Variants in PDZD8 observed in about 807,000 individuals in gnomAD.
PDZD8 encodes the protein PDZ domain-containing protein 8.
A neutral mutation model predicts 85.8 loss-of-function variants in PDZD8; 14 were observed. The ratio of observed to expected loss-of-function variants is 0.16; its 90% CI spans 0.11 to 0.26. The LOEUF is 0.26. Ranked by LOEUF, PDZD8 falls within the 10% of genes least tolerant of loss-of-function variation. The probability of loss-of-function intolerance (pLI) is 1.00; values close to 1 mark genes in which losing one functional copy is unlikely to be tolerated. For missense variants in PDZD8, 1,197 were observed against 1,424.3 expected (o/e 0.84, Z 2.57); for synonymous variants, 592 against 568.6 (o/e 1.04, Z -0.59).
At chr10:117,333,061 G>A (rs1420115414) in intron 2 of PDZD8, among the ~76,000 whole-genome samples, 1 of 135,818 alleles carries the variant, frequency 7.4e-6, no homozygotes, top group African/African-American at 2.7e-5. Context: ...ATAGGTTGTG[G>A]TGAGTGGAGA....
rs75269418 is a variant in PDZD8 at position 117,296,419 on chromosome 10, A to G, written c.1099-6071T>C. On this transcript the variant is annotated intron_variant, in intron 3 of 4. Transcript: ENST00000334464. ...CATAAGATTCATTATTGTTGAGATG[A>G]CAGTTCTTCCCAAATTTATCTACAA... Among the ~76,000 whole-genome samples, 1,506 of 152,228 alleles carry G rather than the reference A, an allele frequency of 9.9e-3. 13 individuals carry two copies. Among genetic ancestry groups the G allele is most frequent in the Middle Eastern group, 0.041 (12 of 294 alleles).
intron 1 of PDZD8, among the ~76,000 whole-genome samples, chr10:117,365,921 A>G (rs1845080610): frequency 6.6e-6 from 1 of 152,208 alleles, no homozygotes; most frequent in Non-Finnish European, 1.5e-5. Context: ...AGAAATGTTG[A>G]GTCAGTATTT....
At chr10:117,371,132 C>G (rs1192946157) in intron 1 of PDZD8, among the ~76,000 whole-genome samples, 1 of 152,264 alleles carries the variant, frequency 6.6e-6, no homozygotes, top group South Asian at 2.1e-4. Flanking sequence ...GTAATTCATT[C>G]TTATCTGAAA....
chr10:117,366,592 T>TACCACC (rs140867417), intron 1 of PDZD8, among the ~76,000 whole-genome samples: 350 of 150,654 alleles, frequency 2.3e-3, no homozygotes, highest in African/African-American at 7.6e-3. Flanking sequence ...TCACCACCAT[T>TACCACC]ACCACCACCA....
rs1297530162 is a variant in PDZD8 at position 117,318,952 on chromosome 10, C to G, written c.1018G>C (p.Asp340His). Residue 340 changes from aspartate to histidine, a missense_variant, in exon 3 of 5, where the codon GAC becomes CAC. Around this residue, in one of 4 missense-constraint regions of PDZD8, gnomAD observed 344 missense variants for 453.6 expected, o/e 0.76. Coordinates refer to ENST00000334464, the MANE Select transcript of PDZD8 (RefSeq NM_173791.5). Reference protein sequence around the residue: ...CSRLLIFGSYDREANVHCTLE... With the variant: ...CSRLLIFGSYHREANVHCTLE... ...GTGCAATGAACATTTGCCTCTCTGT[C>G]ATAGGATCCAAAAATGAGTAACCTG... is the stretch of plus-strand genomic sequence containing the variant. The G allele has an allele frequency of 6.2e-7, 1 of 1,611,040 alleles. No individual in the cohort carries two copies. Among genetic ancestry groups the G allele is most frequent in the African/African-American group, 1.3e-5 (1 of 74,806 alleles).
rs1274826832 is a variant in PDZD8, at chr10:117,374,496, G to A, written c.732C>T (p.Ser244=). ...TRVPFTHWFF[S]FVEDPLIDFE... ...AGTCGATCAGCGGGTCTTCCACGAA[G>A]GAGAAGAACCAGTGGGTGAAGGGCA... The change falls in exon 1 of 5, where the codon TCC becomes TCT. Residue 244 remains serine, a synonymous_variant. Coordinates refer to ENST00000334464, the MANE Select transcript of PDZD8 (RefSeq NM_173791.5). The surrounding 1 kb of genome is among the most constrained non-coding windows in gnomAD (Gnocchi z 7.8). 3 of 1,613,592 alleles carry A rather than the reference G, an allele frequency of 1.9e-6. No individual in the cohort carries two copies. Among genetic ancestry groups the A allele is most frequent in the Non-Finnish European group, 2.5e-6 (3 of 1,179,814 alleles).
At chr10:117,338,854 A>C (rs1408992678) in intron 2 of PDZD8, among the ~76,000 whole-genome samples, 3 of 152,322 alleles carry the variant, frequency 2.0e-5, no homozygotes, top group Non-Finnish European at 2.9e-5. Flanking sequence ...AAATGTGGTG[A>C]GCAAAGCTGA....
intron 1 of PDZD8, among the ~76,000 whole-genome samples, chr10:117,361,538 C>T (rs1307630252): frequency 6.6e-6 from 1 of 152,084 alleles, no homozygotes; most frequent in Non-Finnish European, 1.5e-5. Flanking sequence ...TACTTTAAAG[C>T]AAAATTACCA....
chr10:117,298,260 T>TA (rs980007881), intron 3 of PDZD8, among the ~76,000 whole-genome samples: 1 of 152,132 alleles, frequency 6.6e-6, no homozygotes. Context: ...TGCATGTGGT[T>TA]AAAAAATCAA....
chr10:117,367,614 C>T (rs1845112533), intron 1 of PDZD8, among the ~76,000 whole-genome samples: 1 of 152,092 alleles, frequency 6.6e-6, no homozygotes, highest in South Asian at 2.1e-4. Context: ...CAGCACTAAA[C>T]TGGGTATTTA....
Position 117,375,041 on chromosome 10 carries a change from C to A in PDZD8, c.187G>T (p.Gly63Cys), listed in dbSNP as rs1374854999. The change falls in exon 1 of 5, where the codon GGC (glycine) becomes TGC (cysteine). Residue 63 changes from glycine (G) to cysteine (C), a missense_variant. Gly to Cys is a radical substitution (Grantham distance 159). Transcript: ENST00000334464. ...GLLLREYLYGGGRDEEPSGAA... is the reference protein window; with the variant it reads ...GLLLREYLYGCGRDEEPSGAA... The stretch of plus-strand genomic sequence containing the variant: ...CCGGAGGGCTCCTCATCCCGGCCGC[C>A]GCCATAAAGGTACTCCCTTAGGAGC... The A allele has an allele frequency of 2.5e-6, 4 of 1,595,344 alleles. No individual in the cohort carries two copies. In the Admixed American group the frequency reaches 5.1e-5, roughly 20 times the overall value.
In PDZD8 at chr10:117,340,832, GACT is replaced by G; in HGVS notation, c.995+145_995+147del. 5.5e-6 allele frequency: 5 copies of G among 908,402 alleles called. No individual in the cohort carries two copies. In the South Asian group the frequency reaches 1.1e-4, roughly 20 times the overall value. The allele number at this position is 908,402 out of a possible 1,614,324, so 56.3% of individuals were successfully genotyped here. On this transcript the variant is annotated intron_variant, in intron 2 of 4. Transcript: ENST00000334464. ...ATTTATATTTGTTAAAGTTAGAAAGGACTACTTTTATGATATTAAATTTACAAT... is the reference window on the plus strand; with the variant it reads ...ATTTATATTTGTTAAAGTTAGAAAGGACTTTTATGATATTAAATTTACAAT...
chr10:117,357,458 A>C (rs1258360949), intron 1 of PDZD8, among the ~76,000 whole-genome samples: 1 of 149,144 alleles, frequency 6.7e-6, no homozygotes, highest in Non-Finnish European at 1.5e-5. Context: ...ACAAACCAAA[A>C]GTCTGTGATT....
Position 117,283,947 on chromosome 10 carries a change from T to G in PDZD8, c.2786A>C (p.Asn929Thr), listed in dbSNP as rs140922572. ...RVDAEASKSV[N>T]KTTGLTRHII... ...ATGCCTTGTCAAACCTGTTGTTTTA[T>G]TGACTGACTTGCTAGCTTCAGCATC... The change falls in exon 5 of 5, where the codon AAT becomes ACT. Residue 929 changes from asparagine (N) to threonine (T), a missense_variant. By Grantham distance (65) the Asn-to-Thr change is moderately conservative (BLOSUM62 0). Transcript: ENST00000334464. The G allele has an allele frequency of 7.3e-3, 11,820 of 1,614,230 alleles. 55 individuals carry two copies. The highest frequency in any genetic ancestry group is 8.8e-3 in the Non-Finnish European group (10,374 of 1,180,024).
At chr10:117,305,471 T>TACACACACACACAC (rs57037106) in intron 3 of PDZD8, among the ~76,000 whole-genome samples, 58 of 141,736 alleles carry the variant, frequency 4.1e-4, no homozygotes, top group East Asian at 2.3e-3. Flanking sequence ...TACACACACA[T>TACACACACACACAC]ACACACACAC....
At chr10:117,318,551 T>C (rs1362673561) in intron 3 of PDZD8, among the ~76,000 whole-genome samples, 2 of 152,190 alleles carry the variant, frequency 1.3e-5, no homozygotes, top group East Asian at 3.8e-4. Context: ...GAATGAATAA[T>C]GAATACTCTG....
chr10:117,343,019 T>C (rs1026824040), intron 1 of PDZD8, among the ~76,000 whole-genome samples: 1 of 152,102 alleles, frequency 6.6e-6, no homozygotes, highest in Non-Finnish European at 1.5e-5. Flanking sequence ...ATTGCGTGCA[T>C]TTATGCCTTA....
intron 3 of PDZD8, among the ~76,000 whole-genome samples, chr10:117,298,972 G>A (rs1214316800): frequency 6.6e-6 from 1 of 151,916 alleles, no homozygotes; most frequent in Non-Finnish European, 1.5e-5. Context: ...GGCATATAAT[G>A]AGGCCTTATG....
intron 2 of PDZD8, among the ~76,000 whole-genome samples, chr10:117,323,717 C>T (rs1397115918): frequency 6.6e-6 from 1 of 152,168 alleles, no homozygotes; most frequent in Admixed American, 6.5e-5. Context: ...CCAACAAGAC[C>T]TACCTGGATC....
Sources: gnomAD v4.1 joint callset for allele counts (sites outside exome capture counted in the v4.1 genomes callset) on GRCh38, gnomAD v4.1.1 for gene constraint, gnomAD v4.1.1 regional missense constraint, Gnocchi (gnomAD v3.1) non-coding constraint, MANE v1.5 for transcripts, NCBI Gene and HGNC (gene_info 2026-07-23, HGNC 2026-07-21) for gene names.